LTBP4: variants seen among roughly 807,000 people sequenced by gnomAD.
The protein encoded by LTBP4 is latent transforming growth factor beta binding protein 4.
LTBP4 carries 93 observed loss-of-function variants against 180.2 expected under a neutral mutation model. That is an observed-to-expected ratio of 0.52 (90% CI 0.44 to 0.61). The LOEUF (loss-of-function observed/expected upper bound fraction) is 0.61. Among genes scored for constraint, LTBP4 ranks in the 20% least tolerant of loss-of-function variants. The probability of loss-of-function intolerance (pLI) is 0.00; values close to 1 mark genes in which losing one functional copy is unlikely to be tolerated. For synonymous variants in LTBP4, 947 were observed against 934.5 expected, an observed-to-expected ratio of 1.01 and a Z score of -0.24; for missense variants, 2,116 against 2,256.5, an observed-to-expected ratio of 0.94 and a Z score of 1.26.
At chr19:40,593,804 T>C (rs973828256) in intron 1 of LTBP4, among the ~76,000 whole-genome samples, 3 of 151,880 alleles carry the variant, frequency 2.0e-5, no homozygotes, top group Non-Finnish European at 4.4e-5. Flanking sequence ...TCTTTATTTC[T>C]TTTTTTTGAG....
At chr19:40,604,106 C>T (rs968079386) in intron 1 of LTBP4, among the ~76,000 whole-genome samples, 1 of 152,066 alleles carries the variant, frequency 6.6e-6, no homozygotes, top group African/African-American at 2.4e-5. Context: ...AACTAGGGCA[C>T]CCGGACAGCC....
In LTBP4 at chr19:40,627,278, G is replaced by T. The variant is rs371900636; in HGVS notation, c.4289G>T (p.Arg1430Leu). ...EAPAPPGPGT[R>L]WPYRSRDTRR... ...CCTGCGCCACCTGGCCCGGGCACCC[G>T]CTGGCCCTATCGGTCCCGGGACACC... The change falls in exon 28 of 30, where the codon CGC (arginine) becomes CTC (leucine). Residue 1430 changes from arginine (R) to leucine (L), a missense_variant. Coordinates refer to ENST00000396819, the MANE Select transcript of LTBP4 (RefSeq NM_001042545.2). The T allele has an allele frequency of 5.2e-6, 8 of 1,546,792 alleles. No homozygotes were observed. Among genetic ancestry groups the T allele is most frequent in the Non-Finnish European group, 7.0e-6 (8 of 1,150,116 alleles).
rs1210290086 is a variant in LTBP4 at position 40,613,569 on chromosome 19, C to A, written c.2557+40C>A. 5 of 1,550,946 alleles carry A rather than the reference C, an allele frequency of 3.2e-6. No homozygotes were observed. The highest frequency in any genetic ancestry group is 4.3e-6 in the Non-Finnish European group (5 of 1,150,428). On this transcript the variant is annotated intron_variant, in intron 17 of 29. Coordinates refer to ENST00000396819, the MANE Select transcript of LTBP4 (RefSeq NM_001042545.2). This position sits in a 1 kb window ranked among gnomAD's most constrained non-coding sequence, Gnocchi z 5.0. ...TGATCCTGGCCCCGGAAAGGGTGGG[C>A]TTAGGGCAGGAAAAGGCGGGACGGG...
chr19:40,615,197 G>GGA (rs11394108), intron 19 of LTBP4: 1 of 146,038 alleles, frequency 6.8e-6, no homozygotes, highest in African/African-American at 2.6e-5. Flanking sequence ...TGTCGGCGGG[G>GGA]GGGGGGGGGC....
intron 1 of LTBP4, among the ~76,000 whole-genome samples, chr19:40,593,442 C>T (rs761888168): frequency 6.6e-6 from 1 of 152,078 alleles, no homozygotes; most frequent in African/African-American, 2.4e-5. Flanking sequence ...CATTGTCTCA[C>T]TATGTTGCCC....
intron 22 of LTBP4, among the ~76,000 whole-genome samples, 171 bp downstream of exon 22, chr19:40,619,664 C>G (rs2081573037): frequency 6.6e-6 from 1 of 152,176 alleles, no homozygotes; most frequent in South Asian, 2.1e-4. Context: ...GAGAATTAGA[C>G]CCTGGTCCTG....
intron 1 of LTBP4, chr19:40,593,263 G>A (rs2081375603): frequency 6.5e-7 from 1 of 1,549,990 alleles, no homozygotes; most frequent in Non-Finnish European, 8.9e-7. Context: ...TTGTTTTTGA[G>A]ACAGGGTCTT....
chr19:40,600,217 G>T, upstream of LTBP4: 2 of 1,175,260 alleles, frequency 1.7e-6, no homozygotes, highest in African/African-American at 1.6e-5. This position sits in a 1 kb window ranked among gnomAD's most constrained non-coding sequence, Gnocchi z 4.4. Flanking sequence ...GGCGAGGGGG[G>T]TTCCGGGCCA....
intron 12 of LTBP4, 177 bp from the exon 13 acceptor site, chr19:40,610,975 C>T (rs2146029074): frequency 3.3e-6 from 3 of 904,502 alleles, no homozygotes; most frequent in Middle Eastern, 2.5e-4. Context: ...ACTACAGAGA[C>T]AGAACCAGCC....
At chr19:40,607,317 CA>C in intron 6 of LTBP4, 47 bp from the exon 7 acceptor site, 1 of 1,146,704 alleles carries the variant, frequency 8.7e-7, no homozygotes, top group Non-Finnish European at 1.2e-6. Context: ...CTCAGTGCTA[CA>C]GCATTCCCAG....
chr19:40,598,305 T>G (rs1315282715), upstream of LTBP4, among the ~76,000 whole-genome samples: 1 of 151,544 alleles, frequency 6.6e-6, no homozygotes, highest in Non-Finnish European at 1.5e-5. Context: ...CCCCACCAGA[T>G]GGCCTCATCC....
rs1479498955 is a variant in LTBP4 at position 40,627,496 on chromosome 19, CTA to C, written c.4366+144_4366+145del. On this transcript the variant is annotated intron_variant, in intron 28 of 29. Transcript: ENST00000396819. Reference sequence around the variant, plus strand: ...GCCACAGAAAGGGACAGAGAAGTGTCTATAGCCCGGCAAAGAAAGAGAAGGTG... The same window carrying C: ...GCCACAGAAAGGGACAGAGAAGTGTCTAGCCCGGCAAAGAAAGAGAAGGTG... 3 of 1,308,604 alleles carry C rather than the reference CTA, an allele frequency of 2.3e-6. No homozygotes were observed. The East Asian group carries it at 7.6e-5, about 33-fold the overall frequency. 81.1% of individuals were successfully genotyped at this position (1,308,604 alleles called of 1,614,324 possible). A position where few individuals can be genotyped will look rare whatever the true frequency, so the allele number is the denominator to read the frequency against.
intron 19 of LTBP4, 86 bp downstream of exon 19, chr19:40,614,532 C>T (rs2081533330): frequency 1.4e-6 from 2 of 1,479,596 alleles, no homozygotes; most frequent in Non-Finnish European, 1.8e-6. Flanking sequence ...GGGCGCCCTG[C>T]TTCCCAGACT....
chr19:40,616,741 A>G (rs2081551665), intron 19 of LTBP4, 148 bp from the exon 20 acceptor site: 1 of 1,003,508 alleles, frequency 1.0e-6, no homozygotes, highest in Non-Finnish European at 1.4e-6. Context: ...AAGAAAAAAC[A>G]AAGTTTTCAA....
At chr19:40,614,129 C>T (rs2081529628) in intron 18 of LTBP4, 91 bp downstream of exon 18, 6 of 1,543,596 alleles carry the variant, frequency 3.9e-6, no homozygotes, top group South Asian at 3.5e-5. Context: ...TCCTCCGCTT[C>T]TCCCCTCCCC....
In LTBP4 at chr19:40,601,455, C is replaced by T. The variant is rs2081423282; in HGVS notation, c.68C>T (p.Pro23Leu). The T allele has an allele frequency of 3.4e-6, 5 of 1,481,768 alleles. No individual in the cohort carries two copies. In the South Asian group the frequency reaches 6.4e-5, roughly 19 times the overall value. The allele number at this position is 1,481,768 out of a possible 1,614,324, so 91.8% of individuals were successfully genotyped here. The stretch of plus-strand genomic sequence containing the variant: ...CTGCTGGCGCAGCTAGGGCCGCAGC[C>T]TGGACTGGGCCGGCTCGGAGAGCGT... ...LVLLAQLGPQ[P>L]GLGRLGERLR... Residue 23 changes from proline (P) to leucine (L), a missense_variant, in exon 1 of 30, where the codon CCT (proline) becomes CTT (leucine). By Grantham distance (98) the Pro-to-Leu change is moderately conservative. This residue lies in a region of LTBP4 where 469 missense variants were observed against 532.5 expected (regional missense o/e 0.88). Transcript: ENST00000396819.
rs1438217966 is a variant in LTBP4, at chr19:40,611,100, G to T, written c.1811-52G>T. 6.2e-7 allele frequency: 1 copy of T among 1,606,006 alleles called. No individual in the cohort carries two copies. Among genetic ancestry groups the T allele is most frequent in the South Asian group, 1.1e-5 (1 of 90,672 alleles). ...GAGGGTGGAAAGCCAAAGTGACAGA[G>T]GTCAGGGAGGCAGAGGGGAACAAGT... is the stretch of plus-strand genomic sequence containing the variant. On this transcript the variant is annotated intron_variant, in intron 12 of 29. Transcript: ENST00000396819. This position sits in a 1 kb window ranked among gnomAD's most constrained non-coding sequence, Gnocchi z 4.4.
chr19:40,628,248 A>G lies in LTBP4; in HGVS notation c.4519+391A>G, dbSNP rs1270328907. Among the ~76,000 whole-genome samples the G allele has an allele frequency of 2.0e-5, 3 of 152,230 alleles. No homozygotes were observed. In the East Asian group the frequency reaches 5.8e-4, roughly 29 times the overall value. On this transcript the variant is annotated intron_variant, in intron 29 of 29. Coordinates refer to ENST00000396819, the MANE Select transcript of LTBP4 (RefSeq NM_001042545.2). ...ATGGCAGTAAAGCCAAGTGATTAAA[A>G]TCAAGAACATAGCCGGGCGCAGTGG...
At chr19:40,626,469 A>G (rs537629213) in intron 27 of LTBP4, among the ~76,000 whole-genome samples, 50 of 152,000 alleles carry the variant, frequency 3.3e-4, no homozygotes, top group African/African-American at 1.2e-3. Context: ...TACACACCAC[A>G]TCCGGGTGCC....
Sources: gnomAD v4.1 joint callset for allele counts (sites outside exome capture counted in the v4.1 genomes callset) on GRCh38, gnomAD v4.1.1 for gene constraint, gnomAD v4.1.1 regional missense constraint, Gnocchi (gnomAD v3.1) non-coding constraint, MANE v1.5 for transcripts, NCBI Gene and HGNC (gene_info 2026-07-23, HGNC 2026-07-21) for gene names.